MAD1L1: variants seen among roughly 807,000 people sequenced by gnomAD.
The protein encoded by MAD1L1 is mitotic spindle assembly checkpoint protein MAD1.
MAD1L1 carries 95 observed loss-of-function variants against 96.9 expected under a neutral mutation model. That is an observed-to-expected ratio of 0.98 (90% CI 0.83 to 1.16). The LOEUF is 1.16. Among genes scored for constraint, MAD1L1 ranks in the 50% most tolerant of loss-of-function variants. The pLI is 0.00. For synonymous variants in MAD1L1, 473 were observed against 396.6 expected, an observed-to-expected ratio of 1.19 and a Z score of -2.29; for missense variants, 1,007 against 954.4, an observed-to-expected ratio of 1.06 and a Z score of -0.73.
At chr7:1,973,144 A>G (rs1480176801) in intron 15 of MAD1L1, among the ~76,000 whole-genome samples, 4 of 152,184 alleles carry the variant, frequency 2.6e-5, no homozygotes, top group East Asian at 1.9e-4. Context: ...TGTTCCACAG[A>G]CACTGATTAG....
intron 12 of MAD1L1, among the ~76,000 whole-genome samples, chr7:2,061,077 G>A (rs952881810): frequency 6.6e-6 from 1 of 152,248 alleles, no homozygotes; most frequent in African/African-American, 2.4e-5. Context: ...AGTGGCTCAC[G>A]CCTGTAATCT....
chr7:1,873,914 G>A (rs567400481), intron 18 of MAD1L1, among the ~76,000 whole-genome samples: 8 of 152,348 alleles, frequency 5.3e-5, no homozygotes, highest in Non-Finnish European at 8.8e-5. Context: ...GTCGGCACCA[G>A]GGAGGAAGCG....
At chr7:2,174,524 C>T (rs1312387412) in intron 10 of MAD1L1, among the ~76,000 whole-genome samples, 2 of 152,114 alleles carry the variant, frequency 1.3e-5, no homozygotes, top group Non-Finnish European at 2.9e-5. Context: ...TCCTCCCCGC[C>T]GTTTCTTTGC....
chr7:1,859,782 CGGCCTCTGTCTCCCT>C (rs1784432101), intron 18 of MAD1L1, among the ~76,000 whole-genome samples: 1 of 151,220 alleles, frequency 6.6e-6, no homozygotes, highest in African/African-American at 2.4e-5. Flanking sequence ...TCCTGCAGGG[CGGCCTCTGTCTCCCT>C]AGACGTGACA....
chr7:2,072,495 A>G (rs1037230276), intron 11 of MAD1L1, among the ~76,000 whole-genome samples: 1 of 152,218 alleles, frequency 6.6e-6, no homozygotes, highest in Non-Finnish European at 1.5e-5. Flanking sequence ...TGGGAAACAC[A>G]TATTATGAGG....
intron 18 of MAD1L1, among the ~76,000 whole-genome samples, chr7:1,825,021 T>C (rs1353602067): frequency 6.6e-6 from 1 of 152,204 alleles, no homozygotes; most frequent in African/African-American, 2.4e-5. Context: ...AAAATGTTAA[T>C]GGCGGTTAAC....
At chr7:1,827,729 G>GGCTAGA (rs1562432195) in intron 18 of MAD1L1, among the ~76,000 whole-genome samples, 5 of 27,756 alleles carry the variant, frequency 1.8e-4, no homozygotes, top group African/African-American at 3.7e-4. Flanking sequence ...CCTGAGCCCT[G>GGCTAGA]CGTGGCTGTG....
At chr7:1,829,664 T>G (rs1224088699) in intron 18 of MAD1L1, 8 of 147,280 alleles carry the variant, frequency 5.4e-5, no homozygotes, top group Non-Finnish European at 1.2e-4. Context: ...TTTTCTGAAA[T>G]GTGTGGAAAA....
At chr7:2,099,135 G>A (rs945135061) in intron 11 of MAD1L1, among the ~76,000 whole-genome samples, 52 of 152,218 alleles carry the variant, frequency 3.4e-4, no homozygotes, top group African/African-American at 1.2e-3. Flanking sequence ...CGCAGTGGTA[G>A]CACAGCCTCC....
At chr7:2,134,219 T>C (rs1240692022) in intron 11 of MAD1L1, among the ~76,000 whole-genome samples, 4 of 152,230 alleles carry the variant, frequency 2.6e-5, no homozygotes, top group African/African-American at 9.6e-5. Context: ...ACATAACCTG[T>C]ACCGGTCTCT....
intron 16 of MAD1L1, among the ~76,000 whole-genome samples, chr7:1,941,458 A>T (rs1171142104): frequency 6.6e-6 from 1 of 152,254 alleles, no homozygotes; most frequent in Admixed American, 6.5e-5. Flanking sequence ...AACAGAGAAA[A>T]GATAAAACTG....
At chr7:2,095,385 AAAAAG>A (rs144655754) in intron 11 of MAD1L1, among the ~76,000 whole-genome samples, 8,159 of 152,328 alleles carry the variant, frequency 0.054, 392 homozygotes, top group African/African-American at 0.12. Context: ...GGAAAGATAA[AAAAAG>A]AAAAGAAAAG....
At chr7:1,871,251 G>A (rs1319816590) in intron 18 of MAD1L1, among the ~76,000 whole-genome samples, 2 of 142,672 alleles carry the variant, frequency 1.4e-5, no homozygotes, top group African/African-American at 2.8e-5. Context: ...CTGCCACGCT[G>A]AACCCAACAT....
At chr7:2,137,936 T>C (rs926882604) in intron 11 of MAD1L1, among the ~76,000 whole-genome samples, 1 of 152,096 alleles carries the variant, frequency 6.6e-6, no homozygotes, top group Admixed American at 6.6e-5. Context: ...GACGGTGCCA[T>C]GTCGGATAAC....
At chr7:2,106,006 C>CCTGCCCCACACATGGCCCCGCGG (rs1197245940) in intron 11 of MAD1L1, among the ~76,000 whole-genome samples, 2 of 127,270 alleles carry the variant, frequency 1.6e-5, no homozygotes, top group Non-Finnish European at 3.5e-5. Flanking sequence ...TGGCCCCGCC[C>CCTGCCCCACACATGGCCCCGCGG]CTGCCCCACA....
chr7:1,906,691 C>G (rs575162892), intron 17 of MAD1L1, among the ~76,000 whole-genome samples: 8 of 152,344 alleles, frequency 5.3e-5, no homozygotes, highest in Non-Finnish European at 1.0e-4. Context: ...CAGGCCTGTG[C>G]GCACTGTCAC....
chr7:2,206,914 T>C (rs1254274206), intron 10 of MAD1L1, among the ~76,000 whole-genome samples: 2 of 152,060 alleles, frequency 1.3e-5, no homozygotes. Context: ...AAACCCTGTC[T>C]CTACAAAAAT....
At chr7:1,844,748 G>A (rs1783493908) in intron 18 of MAD1L1, among the ~76,000 whole-genome samples, 1 of 152,206 alleles carries the variant, frequency 6.6e-6, no homozygotes, top group South Asian at 2.1e-4. Flanking sequence ...GACCCGTCTG[G>A]TTGCATCCGA....
intron 10 of MAD1L1, among the ~76,000 whole-genome samples, chr7:2,197,923 C>G (rs1350427302): frequency 6.6e-6 from 1 of 152,096 alleles, no homozygotes. Context: ...GTCCCAGCCC[C>G]CAGGCCCCAG....
Sources: gnomAD v4.1 joint callset for allele counts (sites outside exome capture counted in the v4.1 genomes callset) on GRCh38, gnomAD v4.1.1 for gene constraint, MANE v1.5 for transcripts, NCBI Gene and HGNC (gene_info 2026-07-23, HGNC 2026-07-21) for gene names.